Variants in MREG observed in about 807,000 individuals in gnomAD.
The protein encoded by MREG is melanoregulin.
A neutral mutation model predicts 28.5 loss-of-function variants in MREG; 31 were observed. The ratio of observed to expected loss-of-function variants is 1.09; its 90% CI spans 0.82 to 1.47. MREG has a LOEUF of 1.47. Among genes scored for constraint, MREG ranks in the 40% most tolerant of loss-of-function variants. The pLI is 0.00. For missense variants in MREG, 256 were observed against 257.4 expected (o/e 0.99, Z 0.04); for synonymous variants, 106 against 95.2 (o/e 1.11, Z -0.66).
chr2:215,964,553 A>G (rs1446081206), intron 2 of MREG, among the ~76,000 whole-genome samples: 1 of 152,132 alleles, frequency 6.6e-6, no homozygotes, highest in East Asian at 1.9e-4. Flanking sequence ...GATAATTCAC[A>G]AAAAAATCAA....
At chr2:215,963,485 G>A (rs1186313176) in intron 2 of MREG, among the ~76,000 whole-genome samples, 2 of 149,288 alleles carry the variant, frequency 1.3e-5, no homozygotes, top group African/African-American at 2.5e-5. Context: ...TATTGATTAC[G>A]TGTTGAAATG....
intron 2 of MREG, among the ~76,000 whole-genome samples, chr2:215,995,538 C>A (rs1163032000): frequency 7.0e-6 from 1 of 142,118 alleles, no homozygotes. Flanking sequence ...CACACTAAAC[C>A]CAACTATAAG....
At chr2:216,004,568 A>C (rs72950864) in intron 1 of MREG, among the ~76,000 whole-genome samples, 6,744 of 151,572 alleles carry the variant, frequency 0.044, 247 homozygotes, top group Non-Finnish European at 0.068. Flanking sequence ...AACAAACAAA[A>C]AAAAAAAACC....
chr2:216,001,528 C>T (rs888743457), intron 1 of MREG, among the ~76,000 whole-genome samples: 9 of 152,326 alleles, frequency 5.9e-5, no homozygotes, highest in East Asian at 1.9e-4. Flanking sequence ...CTCTGCCCCT[C>T]TGCCTCTCCA....
At chr2:216,031,417 GAAGA>G (rs1373147409) in intron 1 of MREG, among the ~76,000 whole-genome samples, 1 of 133,390 alleles carries the variant, frequency 7.5e-6, no homozygotes, top group Non-Finnish European at 1.6e-5. Flanking sequence ...AGGAAGAAAG[GAAGA>G]AAGAAAGAAA....
chr2:215,969,367 G>A (rs964411844), intron 2 of MREG, among the ~76,000 whole-genome samples: 2 of 152,198 alleles, frequency 1.3e-5, no homozygotes, highest in East Asian at 3.9e-4. Flanking sequence ...CACAATGCCA[G>A]TACAGAAGTT....
chr2:215,951,595 A>G (rs1692487570), intron 2 of MREG, among the ~76,000 whole-genome samples: 1 of 152,240 alleles, frequency 6.6e-6, no homozygotes, highest in Admixed American at 6.5e-5. Flanking sequence ...GTAGCAAAAG[A>G]AAACATACTG....
At chr2:216,002,037 C>G (rs1311849203) in intron 1 of MREG, among the ~76,000 whole-genome samples, 1 of 152,128 alleles carries the variant, frequency 6.6e-6, no homozygotes, top group Non-Finnish European at 1.5e-5. Flanking sequence ...TTCTCTCCCT[C>G]CCCCATATCA....
intron 1 of MREG, among the ~76,000 whole-genome samples, chr2:216,005,225 C>T (rs547830539): frequency 1.3e-5 from 2 of 152,208 alleles, no homozygotes; most frequent in East Asian, 3.9e-4. Context: ...ACGGAGGAAT[C>T]TCACAAAGCT....
intron 1 of MREG, among the ~76,000 whole-genome samples, chr2:216,031,244 T>C (rs1184472040): frequency 1.3e-5 from 2 of 151,586 alleles, no homozygotes; most frequent in Non-Finnish European, 2.9e-5. Flanking sequence ...TCATCTCTAC[T>C]AAAAATACAA....
intron 1 of MREG, among the ~76,000 whole-genome samples, chr2:216,019,517 T>G (rs2105929558): frequency 6.6e-6 from 1 of 152,052 alleles, no homozygotes; most frequent in Middle Eastern, 3.4e-3. Context: ...CTTTTTTTTT[T>G]TTTTTGAGAC....
At chr2:216,005,641 C>G (rs1694133094) in intron 1 of MREG, among the ~76,000 whole-genome samples, 1 of 151,588 alleles carries the variant, frequency 6.6e-6, no homozygotes, top group Non-Finnish European at 1.5e-5. Context: ...TGAGTAGACA[C>G]AGGGTTTCAC....
At chr2:216,009,805 G>A (rs1342757793) in intron 1 of MREG, among the ~76,000 whole-genome samples, 1 of 152,086 alleles carries the variant, frequency 6.6e-6, no homozygotes, top group Admixed American at 6.6e-5. Flanking sequence ...CAAAGTGCTG[G>A]GATTACAGGT....
chr2:215,947,637 G>C (rs974323005), intron 2 of MREG, among the ~76,000 whole-genome samples: 1 of 152,156 alleles, frequency 6.6e-6, no homozygotes, highest in African/African-American at 2.4e-5. Context: ...ATAAGAAACA[G>C]ACACACACAA....
At chr2:215,956,280 A>G (rs1342805587) in intron 2 of MREG, among the ~76,000 whole-genome samples, 1 of 152,216 alleles carries the variant, frequency 6.6e-6, no homozygotes, top group African/African-American at 2.4e-5. Context: ...CTGAGTTAAT[A>G]TATGTAAAGA....
upstream of MREG, among the ~76,000 whole-genome samples, chr2:216,013,841 T>G (rs528534365): frequency 1.3e-5 from 2 of 152,194 alleles, no homozygotes; most frequent in Admixed American, 1.3e-4. Flanking sequence ...AGCAGAGTTT[T>G]GGGCATGTTT....
At chr2:215,989,581 T>A (rs1205908990) in intron 2 of MREG, among the ~76,000 whole-genome samples, 1 of 151,872 alleles carries the variant, frequency 6.6e-6, no homozygotes, top group Non-Finnish European at 1.5e-5. Context: ...AGAAAGTGGG[T>A]AATAACAAAC....
At chr2:215,960,860 A>T (rs916265301) in intron 2 of MREG, among the ~76,000 whole-genome samples, 3 of 152,002 alleles carry the variant, frequency 2.0e-5, no homozygotes, top group Admixed American at 6.6e-5. Flanking sequence ...ATAATAAAAT[A>T]AAATTAAAAA....
chr2:216,019,618 C>T (rs1200331083), intron 1 of MREG, among the ~76,000 whole-genome samples: 1 of 151,954 alleles, frequency 6.6e-6, no homozygotes, highest in Non-Finnish European at 1.5e-5. Flanking sequence ...CATTATCCTG[C>T]CTCAGCCTCC....
Sources: gnomAD v4.1 joint callset for allele counts (sites outside exome capture counted in the v4.1 genomes callset) on GRCh38, gnomAD v4.1.1 for gene constraint, MANE v1.5 for transcripts, NCBI Gene and HGNC (gene_info 2026-07-23, HGNC 2026-07-21) for gene names.